The following MALRD1 variants were observed in gnomAD, a reference collection of about 807,000 sequenced individuals.
MALRD1 encodes MAM and LDL receptor class A domain containing 1.
In MALRD1, 247 loss-of-function variants were observed where a neutral mutation model predicts 242.1. The observed-to-expected ratio is 1.02, with a 90% CI of 0.92 to 1.13. The LOEUF (loss-of-function observed/expected upper bound fraction) is 1.13. Among genes scored for constraint, MALRD1 ranks in the 50% most tolerant of loss-of-function variants. MALRD1 has a pLI of 0.00. For missense variants in MALRD1, 2,989 were observed against 2,533.1 expected (o/e 1.18, Z -3.86); for synonymous variants, 995 against 866.6 (o/e 1.15, Z -2.60).
At chr10:19,288,631 A>C (rs1055719540) in intron 21 of MALRD1, among the ~76,000 whole-genome samples, 1 of 152,004 alleles carries the variant, frequency 6.6e-6, no homozygotes, top group African/African-American at 2.4e-5. Flanking sequence ...GAGGTTCCGT[A>C]ACTAGTATCT....
chr10:19,183,205 A>G (rs141626667), intron 14 of MALRD1, among the ~76,000 whole-genome samples: 1 of 150,630 alleles, frequency 6.6e-6, no homozygotes, highest in African/African-American at 2.4e-5. Flanking sequence ...TCTTCATCCC[A>G]TTTTTGTGAA....
At chr10:19,496,434 A>T (rs1837724334) in intron 30 of MALRD1, among the ~76,000 whole-genome samples, 1 of 152,232 alleles carries the variant, frequency 6.6e-6, no homozygotes, top group African/African-American at 2.4e-5. Context: ...CACAGAAATT[A>T]AACAGCCTGC....
intron 32 of MALRD1, among the ~76,000 whole-genome samples, chr10:19,567,115 A>G (rs921622714): frequency 2.0e-5 from 3 of 152,232 alleles, no homozygotes; most frequent in South Asian, 2.1e-4. Context: ...ATATTCATTT[A>G]TCATATTCAT....
intron 14 of MALRD1, among the ~76,000 whole-genome samples, chr10:19,182,195 C>T (rs1224975174): frequency 6.6e-6 from 1 of 151,994 alleles, no homozygotes; most frequent in African/African-American, 2.4e-5. Context: ...AGAACCTTAC[C>T]TATATAGTCT....
At chr10:19,589,201 GGATA>G (rs758653250) in intron 33 of MALRD1, among the ~76,000 whole-genome samples, 8 of 151,974 alleles carry the variant, frequency 5.3e-5, no homozygotes, top group African/African-American at 7.3e-5. Flanking sequence ...ATAGATGGGT[GGATA>G]GATAGATAGA....
At chr10:19,050,126 C>T (rs1256374789) in intron 1 of MALRD1, among the ~76,000 whole-genome samples, 1 of 130,488 alleles carries the variant, frequency 7.7e-6, no homozygotes, top group Non-Finnish European at 1.6e-5. Flanking sequence ...CTCGCTCTGT[C>T]GCCCAGGCTG....
At chr10:19,706,517 A>G (rs1166814913) in intron 38 of MALRD1, among the ~76,000 whole-genome samples, 1 of 151,808 alleles carries the variant, frequency 6.6e-6, no homozygotes, top group African/African-American at 2.4e-5. Flanking sequence ...CGCCTGGCTA[A>G]TTTTTGTATT....
At chr10:19,262,383 C>G (rs527822040) in intron 19 of MALRD1, among the ~76,000 whole-genome samples, 1 of 151,822 alleles carries the variant, frequency 6.6e-6, no homozygotes, top group Admixed American at 6.6e-5. Flanking sequence ...TGGCCGGGCC[C>G]GGTGGCTCAT....
upstream of MALRD1, among the ~76,000 whole-genome samples, chr10:19,048,083 A>C (rs1834383278): frequency 6.6e-6 from 1 of 152,192 alleles, no homozygotes; most frequent in Non-Finnish European, 1.5e-5. Context: ...CTGAATATGC[A>C]TCCTGAAATC....
chr10:19,293,574 A>G (rs1841550483), intron 21 of MALRD1, among the ~76,000 whole-genome samples: 1 of 152,240 alleles, frequency 6.6e-6, no homozygotes, highest in Admixed American at 6.5e-5. Flanking sequence ...AAAATTAACT[A>G]GAAAAGAACG....
intron 28 of MALRD1, among the ~76,000 whole-genome samples, chr10:19,401,853 G>A (rs982320154): frequency 2.0e-5 from 3 of 151,980 alleles, no homozygotes; most frequent in Admixed American, 1.3e-4. Flanking sequence ...CAATCTATTT[G>A]CCAACATTTT....
At chr10:19,595,735 C>T (rs1838063968) in intron 34 of MALRD1, among the ~76,000 whole-genome samples, 1 of 152,098 alleles carries the variant, frequency 6.6e-6, no homozygotes, top group African/African-American at 2.4e-5. Flanking sequence ...GTTATGTGTT[C>T]TTATCTCATT....
At chr10:19,542,860 A>G (rs1042376924) in intron 32 of MALRD1, among the ~76,000 whole-genome samples, 3 of 152,178 alleles carry the variant, frequency 2.0e-5, no homozygotes, top group African/African-American at 7.2e-5. Flanking sequence ...TACCTGTCTT[A>G]GATTTTTATG....
chr10:19,380,165 G>A (rs1845777705), intron 26 of MALRD1, among the ~76,000 whole-genome samples: 1 of 151,412 alleles, frequency 6.6e-6, no homozygotes, highest in Non-Finnish European at 1.5e-5. Flanking sequence ...AGTAGAGACG[G>A]GGTTTCACCA....
At chr10:19,246,559 ACT>A (rs149187281) in intron 18 of MALRD1, among the ~76,000 whole-genome samples, 1,620 of 152,148 alleles carry the variant, frequency 0.011, 35 homozygotes, top group African/African-American at 0.036. Context: ...CTTGAGACAA[ACT>A]CATCCTCTTA....
intron 33 of MALRD1, among the ~76,000 whole-genome samples, chr10:19,579,385 T>C (rs983028552): frequency 2.6e-5 from 4 of 152,200 alleles, no homozygotes; most frequent in African/African-American, 4.8e-5. Context: ...CCTTCACTGA[T>C]AGATTGTCTA....
At chr10:19,488,985 C>G (rs1401320848) in intron 29 of MALRD1, 2 of 445,472 alleles carry the variant, frequency 4.5e-6, no homozygotes, top group East Asian at 1.4e-4. Flanking sequence ...AGGCGGGCTC[C>G]CAATCCGGTT....
chr10:19,357,687 A>G (rs935562610), intron 26 of MALRD1, among the ~76,000 whole-genome samples: 1 of 152,160 alleles, frequency 6.6e-6, no homozygotes, highest in Non-Finnish European at 1.5e-5. Flanking sequence ...AAAAACACTT[A>G]ACTTGGAATT....
intron 12 of MALRD1, among the ~76,000 whole-genome samples, chr10:19,163,137 T>TGAAAAAAAAAAAAA (rs1491309752): frequency 2.3e-5 from 1 of 43,836 alleles, no homozygotes. Flanking sequence ...AAACCCTGTC[T>TGAAAAAAAAAAAAA]AAAAAAAAAA....
Sources: allele counts gnomAD v4.1 joint callset (sites outside exome capture counted in the v4.1 genomes callset), GRCh38; gene constraint gnomAD v4.1.1; transcripts MANE v1.5; gene names NCBI Gene and HGNC (gene_info 2026-07-23, HGNC 2026-07-21).